The following SLC2A1 variants were observed in gnomAD, a reference collection of about 807,000 sequenced individuals.
SLC2A1 encodes the protein solute carrier family 2, facilitated glucose transporter member 1.
SLC2A1 carries 4 observed loss-of-function variants against 46.6 expected under a neutral mutation model. That is an observed-to-expected ratio of 0.09 (90% confidence interval 0.04 to 0.20). The LOEUF (loss-of-function observed/expected upper bound fraction) is 0.20, where lower values mean the gene tolerates loss of function less well. SLC2A1 is among the 10% of genes least tolerant of loss of function. The pLI, the probability that SLC2A1 is intolerant of heterozygous loss-of-function variation, is 1.00. For synonymous variants in SLC2A1, 253 were observed against 270.0 expected (o/e 0.94, Z 0.62); for missense variants, 352 against 667.0 (o/e 0.53, Z 5.20).
chr1:42,947,812 C>T (rs1643675186), intron 1 of SLC2A1, among the ~76,000 whole-genome samples: 2 of 152,134 alleles, frequency 1.3e-5, no homozygotes, highest in Admixed American at 1.3e-4. Flanking sequence ...AAACCTGCCA[C>T]TTTTCAATTT....
chr1:42,935,196 C>T (rs538041096), intron 2 of SLC2A1, among the ~76,000 whole-genome samples: 17 of 152,294 alleles, frequency 1.1e-4, no homozygotes, highest in African/African-American at 3.8e-4. Context: ...CCTCACTGAG[C>T]CTAGAGGACA....
Position 42,927,131 on chromosome 1 carries a change from G to T in SLC2A1, c.1389C>A (p.Ile463=). The change falls in exon 10 of 10, where the codon ATC becomes ATA. Residue 463 remains isoleucine (I), a synonymous_variant. Transcript: ENST00000426263. The surrounding 1 kb of genome is among the most constrained non-coding windows in gnomAD (Gnocchi z 5.3). The part of the protein sequence containing the change: ...PETKGRTFDE[I]ASGFRQGGAS... ...CTCCCCCCTGCCGGAAGCCGGAAGC[G>T]ATCTCATCGAAGGTCCGGCCTTTAG... 6.2e-7 allele frequency: 1 copy of T among 1,614,176 alleles called. No homozygotes were observed. Among genetic ancestry groups the T allele is most frequent in the Non-Finnish European group, 8.5e-7 (1 of 1,180,028 alleles).
At chr1:42,935,749 A>G (rs1441708632) in intron 2 of SLC2A1, among the ~76,000 whole-genome samples, 2 of 152,192 alleles carry the variant, frequency 1.3e-5, no homozygotes, top group African/African-American at 4.8e-5. Context: ...ACTCCAGCTC[A>G]GGGGAAGGAA....
chr1:42,942,826 G>A (rs1241172495), intron 2 of SLC2A1: 1 of 317,662 alleles, frequency 3.1e-6, no homozygotes, highest in African/African-American at 2.2e-5. Flanking sequence ...CCTCCTGACA[G>A]TGCTGCAGTG....
chr1:42,934,714 C>T lies in SLC2A1; in HGVS notation c.115-3508G>A, dbSNP rs72958810. 4.2e-3 allele frequency among the ~76,000 whole-genome samples: 641 copies of T among 152,252 alleles called. 4 individuals are homozygous for T. The highest frequency in any genetic ancestry group is 0.014 in the African/African-American group (601 of 41,524). On this transcript the variant is annotated intron_variant, in intron 2 of 9. Coordinates refer to ENST00000426263, the MANE Select transcript of SLC2A1 (RefSeq NM_006516.4). Reference sequence around the variant, plus strand: ...CCCAGCAGCCTCCGCAACCCTGGGTCATGTGTGAGGTGAGACCTGGCACGT... The same window carrying T: ...CCCAGCAGCCTCCGCAACCCTGGGTTATGTGTGAGGTGAGACCTGGCACGT...
chr1:42,933,973 G>A (rs1643517555), intron 2 of SLC2A1, among the ~76,000 whole-genome samples: 1 of 152,166 alleles, frequency 6.6e-6, no homozygotes, highest in South Asian at 2.1e-4. Flanking sequence ...ACCCTCTGTG[G>A]TTCAGAGGCT....
rs1643428865 is a variant in SLC2A1, at chr1:42,926,602, G to A, written c.*439C>T. 8 of 921,090 alleles carry A rather than the reference G, an allele frequency of 8.7e-6. No individual in the cohort carries two copies. The highest frequency in any genetic ancestry group is 1.2e-5 in the Non-Finnish European group (8 of 674,574). The allele number at this position is 921,090 out of a possible 1,614,324, so 57.1% of individuals were successfully genotyped here. ...AACGGGTGGCCATAGCCACCTCCTG[G>A]GATAGAAGCTTTGTAGTTCATAGTT... is the stretch of plus-strand genomic sequence containing the variant. On this transcript the variant is annotated 3_prime_UTR_variant, in exon 10 of 10. Transcript: ENST00000426263.
chr1:42,925,425 T>G lies in SLC2A1; in HGVS notation c.*1616A>C, dbSNP rs929272400. 3.3e-5 allele frequency: 5 copies of G among 152,236 alleles called. No homozygotes were observed. Among genetic ancestry groups the G allele is most frequent in the Non-Finnish European group, 5.9e-5 (4 of 68,048 alleles). 9.4% of individuals were successfully genotyped at this position (152,236 alleles called of 1,614,324 possible). A position where few individuals can be genotyped will look rare whatever the true frequency, so the allele number is the denominator to read the frequency against. ...CCTCCAGTATTTTCTGAGTGCCTGC[T>G]GTGCATCAAGCACTGTACTGAATAG... On this transcript the variant is annotated 3_prime_UTR_variant, in exon 10 of 10. Coordinates refer to ENST00000426263, the MANE Select transcript of SLC2A1 (RefSeq NM_006516.4).
intron 1 of SLC2A1, among the ~76,000 whole-genome samples, chr1:42,947,979 G>A (rs578240464): frequency 1.3e-5 from 2 of 152,306 alleles, no homozygotes; most frequent in South Asian, 2.1e-4. Context: ...CCACAGGGCT[G>A]TCAAGGAAGG....
At position 42,930,650 on chromosome 1, in the gene SLC2A1, G is replaced by A. The variant is rs759617721; in HGVS notation, c.492C>T (p.Ile164=). 1.1e-5 allele frequency: 18 copies of A among 1,611,612 alleles called. No homozygotes were observed. The highest frequency in any genetic ancestry group is 2.2e-5 in the East Asian group (1 of 44,782). The change falls in exon 4 of 10, where the codon ATC becomes ATT. Residue 164 remains isoleucine, a synonymous_variant. Coordinates refer to ENST00000426263, the MANE Select transcript of SLC2A1 (RefSeq NM_006516.4). The surrounding 1 kb of genome is among the most constrained non-coding windows in gnomAD (Gnocchi z 6.2). ...GALGTLHQLG[I]VVGILIAQVF... ...CCTGGGCGATGAGGATGCCGACGACGATGCCCAGCTGGTGCAGGGTGCCCA... is the reference window on the plus strand; with the variant it reads ...CCTGGGCGATGAGGATGCCGACGACAATGCCCAGCTGGTGCAGGGTGCCCA...
rs1085308009 is a variant in SLC2A1 at position 42,930,029 on chromosome 1, C to T, written c.523G>A (p.Gly175Ser). ...VVGILIAQVF[G>S]LDSIMGNKDL... ...TTGTTGCCCATGATGGAGTCCAGGC[C>T]GAACACCTGGGGGAAGCAGGGGCCG... The change falls in exon 5 of 10, where the codon GGC (glycine) becomes AGC (serine). Residue 175 changes from glycine to serine, a missense_variant. Transcript: ENST00000426263. This position sits in a 1 kb window ranked among gnomAD's most constrained non-coding sequence, Gnocchi z 6.2. 6.2e-7 allele frequency: 1 copy of T among 1,613,918 alleles called. No homozygotes were observed.
In SLC2A1 at chr1:42,929,662, G is replaced by A. The variant is rs201996220; in HGVS notation, c.798C>T (p.Pro266=). Residue 266 remains proline (P), a synonymous_variant, in exon 6 of 10, where the codon CCC becomes CCT. Transcript: ENST00000426263. This position sits in a 1 kb window ranked among gnomAD's most constrained non-coding sequence, Gnocchi z 6.0. ...CGATGAGGATGGGCTGGCGGTAGGC[G>A]GGGGAGCGGAACAGCTCCAGGATGG... ...KVTILELFRS[P]AYRQPILIAV... The A allele has an allele frequency of 3.5e-5, 57 of 1,613,624 alleles. No homozygotes were observed. The East Asian group carries it at 9.8e-4, about 28-fold the overall frequency.
intron 1 of SLC2A1, among the ~76,000 whole-genome samples, chr1:42,950,323 C>T (rs115967316): frequency 0.014 from 2,084 of 152,324 alleles, 48 homozygotes; most frequent in African/African-American, 0.048. Context: ...CTCTATCTGG[C>T]CCTTTAGAAA....
At chr1:42,936,707 C>G (rs1437114569) in intron 2 of SLC2A1, among the ~76,000 whole-genome samples, 1 of 152,186 alleles carries the variant, frequency 6.6e-6, no homozygotes, top group African/African-American at 2.4e-5. Flanking sequence ...GTGGCCACAC[C>G]CGAAGCCCTT....
Position 42,930,509 on chromosome 1 carries a change from T to G in SLC2A1, c.516+117A>C. 1 of 1,414,686 alleles carries G rather than the reference T, an allele frequency of 7.1e-7. No homozygotes were observed. Among genetic ancestry groups the G allele is most frequent in the East Asian group, 2.4e-5 (1 of 40,946 alleles). 87.6% of individuals were successfully genotyped at this position (1,414,686 alleles called of 1,614,324 possible). A position where few individuals can be genotyped will look rare whatever the true frequency, so the allele number is the denominator to read the frequency against. ...GGACCTGTGTACCATAGTTGTCCTC[T>G]GCAAGGCTGTGGGGGCTGGGCGGAA... On this transcript the variant is annotated intron_variant, in intron 4 of 9. Transcript: ENST00000426263. This position sits in a 1 kb window ranked among gnomAD's most constrained non-coding sequence, Gnocchi z 6.2.
intron 1 of SLC2A1, among the ~76,000 whole-genome samples, chr1:42,955,505 G>C (rs1570608848): frequency 6.6e-6 from 1 of 152,152 alleles, no homozygotes. Context: ...AGCTACTCAA[G>C]AGGCTGAGGT....
rs143007380 is a variant in SLC2A1, at chr1:42,926,984, C to T, written c.*57G>A. ...TGGAAGTCTCATCCAGCTGCCTGTG[C>T]TCCTGAGAGATCCTTAGGGCTGCTG... On this transcript the variant is annotated 3_prime_UTR_variant, in exon 10 of 10. Transcript: ENST00000426263. The T allele has an allele frequency of 1.2e-5, 19 of 1,594,998 alleles. No homozygotes were observed. The African/African-American group carries it at 2.5e-4, about 21-fold the overall frequency.
At chr1:42,935,537 T>C (rs1643533536) in intron 2 of SLC2A1, among the ~76,000 whole-genome samples, 1 of 152,222 alleles carries the variant, frequency 6.6e-6, no homozygotes, top group Admixed American at 6.5e-5. Context: ...AAGTCACCAC[T>C]TTCGGAGGAG....
At chr1:42,928,160 G>A (rs1380728403) in intron 8 of SLC2A1, among the ~76,000 whole-genome samples, 1 of 152,180 alleles carries the variant, frequency 6.6e-6, no homozygotes, top group Non-Finnish European at 1.5e-5. Context: ...AGGTTCTAAG[G>A]CGTGTGAGGT....
Sources: allele counts gnomAD v4.1 joint callset (sites outside exome capture counted in the v4.1 genomes callset), GRCh38; gene constraint gnomAD v4.1.1; non-coding constraint Gnocchi (gnomAD v3.1); transcripts MANE v1.5; gene names NCBI Gene and HGNC (gene_info 2026-07-23, HGNC 2026-07-21).